TMEM217: variants seen among roughly 807,000 people sequenced by gnomAD.
TMEM217 encodes the protein transmembrane protein 217.
For missense variants in TMEM217, 204 were observed against 248.8 expected (o/e 0.82, Z 1.21); for synonymous variants, 76 against 88.3 (o/e 0.86, Z 0.78).
At chr6:37,243,822 G>A (rs1764919524) in intron 1 of TMEM217, among the ~76,000 whole-genome samples, 1 of 152,144 alleles carries the variant, frequency 6.6e-6, no homozygotes, top group Admixed American at 6.5e-5. Flanking sequence ...GTGCTGACTG[G>A]TGGGGAATGC....
At chr6:37,236,557 T>G (rs933459939) in intron 1 of TMEM217, among the ~76,000 whole-genome samples, 3 of 152,084 alleles carry the variant, frequency 2.0e-5, no homozygotes, top group African/African-American at 7.2e-5. Flanking sequence ...ATCCGCAAAT[T>G]TGCAAGTCAA....
At chr6:37,219,743 A>G (rs947429119) in intron 1 of TMEM217, among the ~76,000 whole-genome samples, 1 of 152,138 alleles carries the variant, frequency 6.6e-6, no homozygotes, top group African/African-American at 2.4e-5. Flanking sequence ...AAAAAAAAAA[A>G]ATTATGCTGT....
chr6:37,222,436 G>C (rs900830344), intron 1 of TMEM217, among the ~76,000 whole-genome samples: 1 of 152,234 alleles, frequency 6.6e-6, no homozygotes, highest in African/African-American at 2.4e-5. Flanking sequence ...AGGAAGCCGG[G>C]GAAGGGGGCC....
At chr6:37,212,933 A>C (rs1762988428), downstream of TMEM217, 1 of 1,550,294 alleles carries the variant, frequency 6.5e-7, no homozygotes, top group Non-Finnish European at 8.7e-7. Flanking sequence ...AGGACAGAGA[A>C]GATGCCCACC....
At position 37,218,121 on chromosome 6, in the gene TMEM217, A is replaced by G. The variant is rs145429661; in HGVS notation, c.*301T>C. 1,029 of 1,052,848 alleles carry G rather than the reference A, an allele frequency of 9.8e-4. 10 individuals carry two copies. The African/African-American group carries it at 0.015, about 16-fold the overall frequency. The allele number at this position is 1,052,848 out of a possible 1,614,324, so 65.2% of individuals were successfully genotyped here. Reference sequence around the variant, plus strand: ...TCTGAGAGACCTACCTCTTATGGGAAAGAAAAGGGCCAACATGATTGCTTA... The same window carrying G: ...TCTGAGAGACCTACCTCTTATGGGAGAGAAAAGGGCCAACATGATTGCTTA... On this transcript the variant is annotated 3_prime_UTR_variant, in exon 2 of 2. Transcript: ENST00000357219.
At chr6:37,222,917 A>G (rs769216419) in intron 1 of TMEM217, among the ~76,000 whole-genome samples, 7 of 152,154 alleles carry the variant, frequency 4.6e-5, no homozygotes, top group Non-Finnish European at 7.3e-5. Context: ...AGCCACTGCC[A>G]TTACTAGCTG....
intron 1 of TMEM217, among the ~76,000 whole-genome samples, chr6:37,248,344 TAC>T (rs1765211230): frequency 1.3e-5 from 2 of 152,230 alleles, no homozygotes; most frequent in Non-Finnish European, 2.9e-5. Flanking sequence ...AATTTCTATC[TAC>T]AGTGTGTGGC....
At chr6:37,221,209 C>T (rs72849702) in intron 1 of TMEM217, among the ~76,000 whole-genome samples, 27,174 of 147,386 alleles carry the variant, frequency 0.18, 3,169 homozygotes, top group East Asian at 0.43. Context: ...TTTTTTGAGA[C>T]GGAGTCTCGC....
chr6:37,214,210 T>C (rs1763065031), downstream of TMEM217, among the ~76,000 whole-genome samples: 1 of 152,188 alleles, frequency 6.6e-6, no homozygotes, highest in Non-Finnish European at 1.5e-5. Flanking sequence ...TCGCTATCCA[T>C]CTCCAGAACT....
chr6:37,242,730 A>G (rs141621003), intron 1 of TMEM217, among the ~76,000 whole-genome samples: 101 of 151,916 alleles, frequency 6.6e-4, no homozygotes, highest in Non-Finnish European at 1.1e-3. Flanking sequence ...CCCCTTCTTC[A>G]CCTGCTCATC....
In TMEM217 at chr6:37,225,610, C is replaced by T. The variant is rs562097756; in HGVS notation, c.-11-6569G>A. 5.3e-5 allele frequency among the ~76,000 whole-genome samples: 8 copies of T among 152,330 alleles called. No homozygotes were observed. In the South Asian group the frequency reaches 1.5e-3, roughly 28 times the overall value. Reference sequence around the variant, plus strand: ...CCATCCAACTAAAACAGATAGCAAACGTCCTCTTTGTACTTCTTAAAAATC... The same window carrying T: ...CCATCCAACTAAAACAGATAGCAAATGTCCTCTTTGTACTTCTTAAAAATC... On this transcript the variant is annotated intron_variant, in intron 1 of 1. Coordinates refer to ENST00000357219, the Ensembl canonical transcript of TMEM217.
Position 37,218,747 on chromosome 6 carries a change from A to G in TMEM217, c.284T>C (p.Val95Ala), listed in dbSNP as rs1363733474. 8 of 1,614,108 alleles carry G rather than the reference A, an allele frequency of 5.0e-6. No individual in the cohort carries two copies. In the Admixed American group the frequency reaches 1.3e-4, roughly 27 times the overall value. Reference sequence around the variant, plus strand: ...GAAAAAAATCCAGACAATGTAGATGACCAGGCCCCTGAAGATCTGGGCATA... The same window carrying G: ...GAAAAAAATCCAGACAATGTAGATGGCCAGGCCCCTGAAGATCTGGGCATA... The change falls in exon 2 of 2, where the codon GTC becomes GCC. Residue 95 changes from valine to alanine, a missense_variant. Coordinates refer to ENST00000357219, the Ensembl canonical transcript of TMEM217.
downstream of TMEM217, among the ~76,000 whole-genome samples, chr6:37,213,325 T>C (rs1041077449): frequency 3.9e-5 from 6 of 152,252 alleles, no homozygotes; most frequent in Non-Finnish European, 8.8e-5. Context: ...GGTTCCTGTA[T>C]TGAGGATAAC....
chr6:37,228,502 G>A lies in TMEM217; in HGVS notation c.-11-9461C>T, dbSNP rs147643546. On this transcript the variant is annotated intron_variant, in intron 1 of 1. Coordinates refer to ENST00000357219, the Ensembl canonical transcript of TMEM217. ...GTGGATCACCTGAAGTCAGGAGTTT[G>A]AGACCAGCCTGACCAATATGGTGAA... is the stretch of plus-strand genomic sequence containing the variant. Among the ~76,000 whole-genome samples the A allele has an allele frequency of 7.9e-3, 1,207 of 152,324 alleles. 8 individuals are homozygous for A. The highest frequency in any genetic ancestry group is 0.013 in the Non-Finnish European group (858 of 68,028).
intron 1 of TMEM217, among the ~76,000 whole-genome samples, chr6:37,255,679 G>A (rs1291933670): frequency 1.4e-5 from 2 of 147,880 alleles, no homozygotes; most frequent in Non-Finnish European, 3.0e-5. Flanking sequence ...GCAAGACCTG[G>A]TCTCAAAAAA....
intron 1 of TMEM217, among the ~76,000 whole-genome samples, chr6:37,237,503 ACTT>A (rs1428241034): frequency 1.3e-5 from 2 of 152,226 alleles, no homozygotes; most frequent in African/African-American, 2.4e-5. Context: ...AAGATTCAGG[ACTT>A]CATGCAGACA....
chr6:37,212,902 A>G, downstream of TMEM217: 1 of 1,544,166 alleles, frequency 6.5e-7, no homozygotes, highest in Non-Finnish European at 8.8e-7. Context: ...CAGGTCAAAG[A>G]TGAAGAACTG....
chr6:37,252,356 A>G (rs1053231590), intron 1 of TMEM217, among the ~76,000 whole-genome samples: 5 of 152,116 alleles, frequency 3.3e-5, no homozygotes, highest in African/African-American at 1.2e-4. Context: ...ACAATGGCAG[A>G]GATGAATAGC....
intron 1 of TMEM217, among the ~76,000 whole-genome samples, chr6:37,240,706 T>C (rs1397251231): frequency 1.3e-5 from 2 of 152,198 alleles, no homozygotes. Context: ...TGTATACATG[T>C]ATGTGTGTGT....
Sources: allele counts gnomAD v4.1 joint callset (sites outside exome capture counted in the v4.1 genomes callset), GRCh38; gene constraint gnomAD v4.1.1; transcripts MANE v1.5; gene names NCBI Gene and HGNC (gene_info 2026-07-23, HGNC 2026-07-21).